The following ZNF521 variants were observed in gnomAD, a reference collection of about 807,000 sequenced individuals.
ZNF521 encodes the protein zinc finger protein 521, also known as LYST-interacting protein 3.
A neutral mutation model predicts 105.5 loss-of-function variants in ZNF521; 14 were observed. The ratio of observed to expected loss-of-function variants is 0.13; its 90% confidence interval spans 0.09 to 0.21. The LOEUF (loss-of-function observed/expected upper bound fraction) is 0.21, where lower values mean the gene tolerates loss of function less well. Ranked by LOEUF, ZNF521 falls within the 10% of genes least tolerant of loss-of-function variation. The pLI is 1.00. For missense variants in ZNF521, 1,233 were observed against 1,629.7 expected (o/e 0.76, Z 4.19); for synonymous variants, 635 against 606.0 (o/e 1.05, Z -0.70).
intron 5 of ZNF521, among the ~76,000 whole-genome samples, chr18:25,191,453 C>T (rs184484852): frequency 6.6e-6 from 1 of 152,248 alleles, no homozygotes; most frequent in East Asian, 1.9e-4. Flanking sequence ...TGGTTGTCTA[C>T]CACCAGCCGC....
At chr18:25,333,047 A>ACATATATTTAT (rs1186813726) in intron 2 of ZNF521, among the ~76,000 whole-genome samples, 5 of 151,950 alleles carry the variant, frequency 3.3e-5, no homozygotes, top group African/African-American at 1.2e-4. Flanking sequence ...TATATAATGT[A>ACATATATTTAT]GCATATACAT....
chr18:25,313,670 A>T (rs1292476845), intron 3 of ZNF521, among the ~76,000 whole-genome samples: 2 of 152,166 alleles, frequency 1.3e-5, no homozygotes, highest in African/African-American at 4.8e-5. Context: ...AATAACATAA[A>T]ATTATTTTTA....
rs1908941169 is a variant in ZNF521, at chr18:25,261,958, A to G, written c.221-34261T>C. 2.6e-5 allele frequency among the ~76,000 whole-genome samples: 4 copies of G among 152,276 alleles called. No homozygotes were observed. In the South Asian group the frequency reaches 8.3e-4, roughly 32 times the overall value. ...TTTAAACAAACACAGCAACAGACCA[A>G]ACATCCTAAAACTCTTAAGTTTTTA... is the stretch of plus-strand genomic sequence containing the variant. On this transcript the variant is annotated intron_variant, in intron 3 of 7. Transcript: ENST00000361524.
intron 5 of ZNF521, among the ~76,000 whole-genome samples, chr18:25,147,267 A>G (rs1160533039): frequency 6.6e-6 from 1 of 152,154 alleles, no homozygotes; most frequent in African/African-American, 2.4e-5. Flanking sequence ...TTAATACTGA[A>G]GTGTAATAAT....
chr18:25,182,004 A>G (rs2035639016), intron 5 of ZNF521, among the ~76,000 whole-genome samples: 2 of 152,220 alleles, frequency 1.3e-5, no homozygotes, highest in African/African-American at 4.8e-5. Context: ...ACCTTCTTGA[A>G]TTCTACATAA....
At chr18:25,277,387 G>A (rs1910105168) in intron 3 of ZNF521, among the ~76,000 whole-genome samples, 1 of 151,838 alleles carries the variant, frequency 6.6e-6, no homozygotes, top group Admixed American at 6.6e-5. Context: ...TCATATATAG[G>A]AAGTAAGAGA....
chr18:25,098,150 T>G (rs561542133), intron 5 of ZNF521, among the ~76,000 whole-genome samples: 1 of 152,146 alleles, frequency 6.6e-6, no homozygotes, highest in Non-Finnish European at 1.5e-5. Flanking sequence ...AATATTCTCA[T>G]GTAGGAGAAA....
chr18:25,077,532 GT>G (rs899601850), intron 7 of ZNF521, among the ~76,000 whole-genome samples: 67 of 151,536 alleles, frequency 4.4e-4, no homozygotes, highest in African/African-American at 1.5e-3. Flanking sequence ...CTCCTCTTAT[GT>G]TTTTTTTAAG....
chr18:25,193,942 T>C (rs2035860807), intron 5 of ZNF521, among the ~76,000 whole-genome samples: 1 of 151,790 alleles, frequency 6.6e-6, no homozygotes, highest in Non-Finnish European at 1.5e-5. Flanking sequence ...ATTTGAAAAC[T>C]ATAAAGCACA....
At chr18:25,292,833 T>C (rs1297762049) in intron 3 of ZNF521, among the ~76,000 whole-genome samples, 1 of 152,202 alleles carries the variant, frequency 6.6e-6, no homozygotes, top group Admixed American at 6.5e-5. Context: ...TATTTGTTCT[T>C]TAAACAAAAC....
At chr18:25,074,773 C>T (rs1045815286) in intron 7 of ZNF521, among the ~76,000 whole-genome samples, 83 of 152,192 alleles carry the variant, frequency 5.5e-4, no homozygotes, top group African/African-American at 2.0e-3. Context: ...CCTCTCACTT[C>T]CTGGGCACCT....
chr18:25,145,371 T>C (rs925206834), intron 5 of ZNF521, among the ~76,000 whole-genome samples: 6 of 152,104 alleles, frequency 3.9e-5, no homozygotes, highest in Non-Finnish European at 5.9e-5. Context: ...TTAAAACAAA[T>C]AACTTAACCT....
chr18:25,094,824 C>T (rs1600011443), intron 5 of ZNF521, among the ~76,000 whole-genome samples: 1 of 152,052 alleles, frequency 6.6e-6, no homozygotes, highest in East Asian at 1.9e-4. Flanking sequence ...TTGCTTATTA[C>T]CTCAAGGTCA....
chr18:25,337,397 A>G (rs745822362), intron 2 of ZNF521, among the ~76,000 whole-genome samples: 5 of 152,348 alleles, frequency 3.3e-5, no homozygotes, highest in East Asian at 3.9e-4. Context: ...TTTGCAACAC[A>G]TAAGTCAGGC....
intron 5 of ZNF521, among the ~76,000 whole-genome samples, chr18:25,166,023 G>A (rs930700152): frequency 2.0e-5 from 3 of 152,036 alleles, no homozygotes; most frequent in Admixed American, 6.6e-5. Flanking sequence ...ACCACCAACC[G>A]CTTCTAGTCT....
chr18:25,298,775 C>A (rs1348431306), intron 3 of ZNF521, among the ~76,000 whole-genome samples: 1 of 152,044 alleles, frequency 6.6e-6, no homozygotes, highest in African/African-American at 2.4e-5. Context: ...GAAGGAAATA[C>A]CATCTTATAC....
At chr18:25,321,458 C>T (rs928257396) in intron 3 of ZNF521, among the ~76,000 whole-genome samples, 1 of 152,064 alleles carries the variant, frequency 6.6e-6, no homozygotes, top group African/African-American at 2.4e-5. Flanking sequence ...TTAGATAATG[C>T]GAGAATGAAT....
rs546805599 is a variant in ZNF521, at chr18:25,103,811, G to A, written c.3659-11730C>T. 1.9e-4 allele frequency among the ~76,000 whole-genome samples: 29 copies of A among 150,948 alleles called. No homozygotes were observed. The South Asian group carries it at 5.9e-3, about 31-fold the overall frequency. On this transcript the variant is annotated intron_variant, in intron 5 of 7. Transcript: ENST00000361524. ...GGAAGGAAGGGAGGGAGGGAGGGAG[G>A]GAAGGAGGAAATAAGGAAGGGAGGG...
intron 6 of ZNF521, 82 bp downstream of exon 6, chr18:25,091,868 G>A: frequency 1.3e-6 from 2 of 1,531,144 alleles, no homozygotes; most frequent in East Asian, 2.3e-5. Context: ...AAAGGCCATA[G>A]CAGTGGGAAG....
Sources: gnomAD v4.1 joint callset for allele counts (sites outside exome capture counted in the v4.1 genomes callset) on GRCh38, gnomAD v4.1.1 for gene constraint, MANE v1.5 for transcripts, NCBI Gene and HGNC (gene_info 2026-07-23, HGNC 2026-07-21) for gene names.